JAK1: variants seen among roughly 807,000 people sequenced by gnomAD.
The protein encoded by JAK1 is Janus kinase 1, also known as tyrosine-protein kinase JAK1.
In JAK1, 16 loss-of-function variants were observed where a neutral mutation model predicts 136.6. That is an observed-to-expected ratio of 0.12 (90% confidence interval 0.08 to 0.18). JAK1 has a LOEUF of 0.18. JAK1 is among the 10% of genes least tolerant of loss of function. JAK1 has a pLI of 1.00. For synonymous variants in JAK1, 492 were observed against 519.5 expected (o/e 0.95, Z 0.72); for missense variants, 859 against 1,450.1 (o/e 0.59, Z 6.62).
intron 2 of JAK1, among the ~76,000 whole-genome samples, chr1:65,023,370 A>G (rs1440822751): frequency 6.6e-6 from 1 of 152,168 alleles, no homozygotes; most frequent in Admixed American, 6.5e-5. Context: ...CACTGGTATT[A>G]CAAGCCTGAG....
rs12564365 is a variant in JAK1 at position 64,834,939 on chromosome 1, C to A, written c.3370-282G>T. The stretch of plus-strand genomic sequence containing the variant: ...TAGAGGGTGAAGCAGAATCTCAGTT[C>A]AGACTTGAACTTTCCAGACTGGCTG... On this transcript the variant is annotated intron_variant, in intron 24 of 24. Coordinates refer to ENST00000342505, the MANE Select transcript of JAK1 (RefSeq NM_002227.4). 1.1e-3 allele frequency among the ~76,000 whole-genome samples: 166 copies of A among 152,302 alleles called. 3 individuals carry two copies. The East Asian group carries it at 0.027, about 25-fold the overall frequency.
rs534890960 is a variant in JAK1 at position 64,849,323 on chromosome 1, G to A, written c.1755+1481C>T. Reference sequence around the variant, plus strand: ...TTCCAACTCAGCCTCCTGAGTAGCTGGGACTACAGCTGCTTACCACTACAC... The same window carrying A: ...TTCCAACTCAGCCTCCTGAGTAGCTAGGACTACAGCTGCTTACCACTACAC... On this transcript the variant is annotated intron_variant, in intron 12 of 24. Transcript: ENST00000342505. 3.9e-5 allele frequency among the ~76,000 whole-genome samples: 6 copies of A among 152,256 alleles called. No individual in the cohort carries two copies. The South Asian group carries it at 1.0e-3, about 26-fold the overall frequency.
intron 1 of JAK1, among the ~76,000 whole-genome samples, chr1:64,900,534 A>G (rs1004751764): frequency 2.0e-5 from 3 of 152,200 alleles, no homozygotes; most frequent in Non-Finnish European, 4.4e-5. Context: ...GAGATCTTGG[A>G]GTCCTAGGAA....
At chr1:64,921,669 T>C (rs1176464483) in intron 1 of JAK1, among the ~76,000 whole-genome samples, 1 of 152,086 alleles carries the variant, frequency 6.6e-6, no homozygotes, top group East Asian at 1.9e-4. Flanking sequence ...ATGTGTAACC[T>C]AGGGATAAGA....
chr1:64,930,182 C>T (rs951628118), intron 1 of JAK1, among the ~76,000 whole-genome samples: 4 of 151,972 alleles, frequency 2.6e-5, no homozygotes, highest in African/African-American at 2.4e-5. Context: ...AGCTTCTGCA[C>T]GGCAAAAGAA....
chr1:64,839,196 C>T (rs1654727874), intron 20 of JAK1, among the ~76,000 whole-genome samples: 2 of 150,978 alleles, frequency 1.3e-5, no homozygotes, highest in Non-Finnish European at 2.9e-5. Context: ...AATTTCACTA[C>T]CATGAGTAGA....
chr1:65,039,528 A>G (rs530128653), intron 2 of JAK1, among the ~76,000 whole-genome samples: 50 of 152,320 alleles, frequency 3.3e-4, no homozygotes, highest in Middle Eastern at 3.4e-3. Context: ...GTAAGCTACT[A>G]CAGTCAATAG....
rs76485881 is a variant in JAK1 at position 64,886,700 on chromosome 1, G to A, written c.-77-359C>T. Among the ~76,000 whole-genome samples the A allele has an allele frequency of 3.3e-3, 496 of 150,924 alleles. 2 individuals carry two copies. The highest frequency in any genetic ancestry group is 0.011 in the African/African-American group (464 of 41,056). On this transcript the variant is annotated intron_variant, in intron 1 of 24. Transcript: ENST00000342505. ...ACAATAGTTTAAGACACCCAAAAACGCGCACTTTAATTTCTCATTCCTTCT... is the reference window on the plus strand; with the variant it reads ...ACAATAGTTTAAGACACCCAAAAACACGCACTTTAATTTCTCATTCCTTCT...
At chr1:64,946,550 T>C (rs1164959919) in intron 1 of JAK1, among the ~76,000 whole-genome samples, 18 of 152,220 alleles carry the variant, frequency 1.2e-4, no homozygotes, top group Admixed American at 1.2e-3. Context: ...TGTTCTCTAA[T>C]GTTCTTTGTT....
At chr1:65,033,750 A>C (rs1037976064) in intron 2 of JAK1, among the ~76,000 whole-genome samples, 2 of 151,118 alleles carry the variant, frequency 1.3e-5, no homozygotes, top group Non-Finnish European at 2.9e-5. Context: ...AAAAGGAAAC[A>C]CTTCCGTATA....
In JAK1 at chr1:65,049,564, G is replaced by A. The variant is rs375762026; in HGVS notation, c.-180-4982C>T. ...GGGCATGAGCTTTCTGACTGGCCAC[G>A]GGTCCTTCCTTTGGGATACCATCCA... On this transcript the variant is annotated intron_variant, in intron 1 of 25. Coordinates refer to the JAK1 transcript ENST00000671954. 1.8e-4 allele frequency among the ~76,000 whole-genome samples: 28 copies of A among 152,272 alleles called. 1 individual carries two copies. The highest frequency in any genetic ancestry group is 6.2e-4 in the South Asian group (3 of 4,814).
chr1:64,842,215 G>A (rs1654949152), intron 17 of JAK1, among the ~76,000 whole-genome samples: 1 of 151,996 alleles, frequency 6.6e-6, no homozygotes, highest in Admixed American at 6.6e-5. Flanking sequence ...ATACAAACAG[G>A]CTGGAAGACA....
At chr1:64,982,259 C>G (rs1646555009) in intron 2 of JAK1, among the ~76,000 whole-genome samples, 1 of 152,148 alleles carries the variant, frequency 6.6e-6, no homozygotes, top group Admixed American at 6.5e-5. Flanking sequence ...AGCTGACACT[C>G]AGGTCTGACA....
chr1:64,886,840 C>A (rs1206388677), intron 1 of JAK1, among the ~76,000 whole-genome samples: 1 of 151,808 alleles, frequency 6.6e-6, no homozygotes, highest in Non-Finnish European at 1.5e-5. Context: ...CTCACAAATT[C>A]TTTAACAGTA....
chr1:64,837,997 G>A lies in JAK1; in HGVS notation c.3075C>T (p.Thr1025=). The change falls in exon 22 of 25, where the codon ACC becomes ACT. Residue 1025 remains threonine (T), a synonymous_variant. Transcript: ENST00000342505. ...ACTCCTTATCGGTTTCAATTGCTTT[G>A]GTTAAACCGAAGTCTCCAATTTTCA... The part of the protein sequence containing the change: ...HQVKIGDFGL[T]KAIETDKEYY... 1 of 1,614,084 alleles carries A rather than the reference G, an allele frequency of 6.2e-7. No individual in the cohort carries two copies. The highest frequency in any genetic ancestry group is 1.3e-5 in the African/African-American group (1 of 75,016).
chr1:64,912,640 A>G (rs1275484315), intron 1 of JAK1, among the ~76,000 whole-genome samples: 1 of 152,246 alleles, frequency 6.6e-6, no homozygotes, highest in Non-Finnish European at 1.5e-5. Flanking sequence ...TTAACCCTGT[A>G]AAGCAGGACT....
intron 11 of JAK1, 150 bp downstream of exon 11, chr1:64,855,359 G>T: frequency 3.0e-6 from 2 of 672,394 alleles, no homozygotes; most frequent in South Asian, 2.1e-5. Context: ...ATGTGAGTTG[G>T]GCACAGAAGT....
At chr1:64,913,694 A>AGGAAGGAAGGAAGGAAGGAG (rs1645334847) in intron 1 of JAK1, among the ~76,000 whole-genome samples, 4 of 33,300 alleles carry the variant, frequency 1.2e-4, no homozygotes, top group African/African-American at 3.3e-4. Context: ...GAAGGAAGGA[A>AGGAAGGAAGGAAGGAAGGAG]GGAAGGAAAG....
Position 64,996,034 on chromosome 1 carries a change from C to T in JAK1, c.-78+48446G>A, listed in dbSNP as rs368582159. Among the ~76,000 whole-genome samples, 69 of 152,268 alleles carry T rather than the reference C, an allele frequency of 4.5e-4. 5 individuals are homozygous for T. Among genetic ancestry groups the T allele is most frequent in the Admixed American group, 1.6e-3 (24 of 15,300 alleles). On this transcript the variant is annotated intron_variant, in intron 2 of 25. Transcript: ENST00000671954. ...CTGGGATTATAGGCCTGAGCCACTG[C>T]GCCTGGCTGACATTGGGCTCTTTTT...
Sources: gnomAD v4.1 joint callset for allele counts (sites outside exome capture counted in the v4.1 genomes callset) on GRCh38, gnomAD v4.1.1 for gene constraint, MANE v1.5 for transcripts, NCBI Gene and HGNC (gene_info 2026-07-23, HGNC 2026-07-21) for gene names.